SLC35F4: variants seen among roughly 807,000 people sequenced by gnomAD.
SLC35F4 encodes the protein solute carrier family 35 member F4, also known as chromosome 14 open reading frame 36.
SLC35F4 carries 24 observed loss-of-function variants against 44.2 expected under a neutral mutation model. The observed-to-expected ratio is 0.54, with a 90% CI of 0.39 to 0.76. The LOEUF is 0.76. Among genes scored for constraint, SLC35F4 ranks in the 30% least tolerant of loss-of-function variants. The pLI is 0.00. For missense variants in SLC35F4, 562 were observed against 586.1 expected, an observed-to-expected ratio of 0.96 and a Z score of 0.42; for synonymous variants, 238 against 223.6, an observed-to-expected ratio of 1.06 and a Z score of -0.57.
chr14:57,721,060 T>G (rs1205593392), intron 1 of SLC35F4, among the ~76,000 whole-genome samples: 6 of 145,006 alleles, frequency 4.1e-5, no homozygotes, highest in Non-Finnish European at 9.0e-5. Flanking sequence ...TCCTATTAGT[T>G]CTGACCATCT....
chr14:57,594,220 C>G, intron 1 of SLC35F4, 96 bp from the exon 2 acceptor site: 9 of 1,192,686 alleles, frequency 7.5e-6, no homozygotes, highest in Admixed American at 2.5e-5. Context: ...AACAGGGTCT[C>G]ACTCTGTCAC....
intron 1 of SLC35F4, among the ~76,000 whole-genome samples, chr14:57,713,733 G>T (rs536196365): frequency 6.6e-6 from 1 of 152,182 alleles, no homozygotes; most frequent in Non-Finnish European, 1.5e-5. Flanking sequence ...CCTAGGGTAC[G>T]TGCTCAATGA....
chr14:57,606,101 CCT>C (rs765543052), intron 1 of SLC35F4, among the ~76,000 whole-genome samples: 2 of 152,072 alleles, frequency 1.3e-5, no homozygotes, highest in African/African-American at 2.4e-5. Context: ...ACATGTATCC[CCT>C]GATTCTAAAA....
chr14:57,745,500 C>A (rs1005253271), intron 1 of SLC35F4, among the ~76,000 whole-genome samples: 10 of 152,134 alleles, frequency 6.6e-5, no homozygotes, highest in Non-Finnish European at 1.2e-4. Context: ...TCATCACTGG[C>A]CATCAGAGAA....
At chr14:57,909,189 C>T (rs1263327886) in intron 1 of SLC35F4, among the ~76,000 whole-genome samples, 1 of 152,096 alleles carries the variant, frequency 6.6e-6, no homozygotes, top group African/African-American at 2.4e-5. Context: ...TTCCTGCACA[C>T]CATCTGTTTT....
At chr14:57,967,312 C>T (rs1006292533) in intron 1 of SLC35F4, among the ~76,000 whole-genome samples, 29 of 152,274 alleles carry the variant, frequency 1.9e-4, no homozygotes, top group African/African-American at 7.0e-4. Flanking sequence ...GCCCCTTTGA[C>T]CATCTTCCCA....
intron 1 of SLC35F4, among the ~76,000 whole-genome samples, chr14:57,647,656 G>T (rs1045732511): frequency 1.3e-5 from 2 of 152,172 alleles, no homozygotes; most frequent in East Asian, 1.9e-4. Flanking sequence ...AATATTCTTC[G>T]CATGACCAAA....
At chr14:57,807,888 G>C (rs946120165) in intron 1 of SLC35F4, among the ~76,000 whole-genome samples, 10 of 151,942 alleles carry the variant, frequency 6.6e-5, no homozygotes, top group Non-Finnish European at 1.5e-4. Context: ...TGGCTGGGGG[G>C]CCTCACAATC....
intron 1 of SLC35F4, among the ~76,000 whole-genome samples, chr14:57,734,006 C>T (rs2076407818): frequency 1.3e-5 from 2 of 152,132 alleles, no homozygotes; most frequent in South Asian, 4.1e-4. Flanking sequence ...TCAGCCATGT[C>T]ATCCCTCAAT....
chr14:57,612,997 G>A lies in SLC35F4; in HGVS notation c.104-18873C>T, dbSNP rs146949350. ...TGAGACGTGAGCATGGGATAGAGAC[G>A]TACTGATGGTAACTTTTAGATCTTT... On this transcript the variant is annotated intron_variant, in intron 1 of 7. Coordinates refer to ENST00000556826, the MANE Select transcript of SLC35F4 (RefSeq NM_001306087.2). 1.6e-3 allele frequency among the ~76,000 whole-genome samples: 242 copies of A among 152,304 alleles called. 1 individual carries two copies. Among genetic ancestry groups the A allele is most frequent in the African/African-American group, 5.3e-3 (222 of 41,554 alleles).
intron 1 of SLC35F4, among the ~76,000 whole-genome samples, chr14:57,840,532 T>G (rs560112907): frequency 2.4e-4 from 36 of 152,324 alleles, no homozygotes; most frequent in Middle Eastern, 3.4e-3. Flanking sequence ...GTGGAAACAC[T>G]TAAATGAGAC....
At chr14:57,810,308 A>G (rs893193939) in intron 1 of SLC35F4, among the ~76,000 whole-genome samples, 1 of 152,224 alleles carries the variant, frequency 6.6e-6, no homozygotes, top group African/African-American at 2.4e-5. Context: ...GTAAAAGGCC[A>G]AGAAAATTCT....
chr14:57,910,143 G>A (rs978377896), intron 1 of SLC35F4, among the ~76,000 whole-genome samples: 39 of 151,960 alleles, frequency 2.6e-4, no homozygotes, highest in African/African-American at 7.5e-4. Flanking sequence ...TTTTTTATCA[G>A]ATTCTTCATT....
chr14:57,793,988 C>T (rs2077992346), intron 1 of SLC35F4, among the ~76,000 whole-genome samples: 3 of 151,996 alleles, frequency 2.0e-5, no homozygotes, highest in African/African-American at 4.8e-5. Flanking sequence ...ATAAATGGTG[C>T]TGGGAAAATT....
intron 1 of SLC35F4, among the ~76,000 whole-genome samples, chr14:57,706,156 C>T (rs144007633): frequency 9.2e-5 from 14 of 152,256 alleles, no homozygotes; most frequent in African/African-American, 2.6e-4. Context: ...TGTGAATGAT[C>T]GGTTACTAGT....
intron 1 of SLC35F4, among the ~76,000 whole-genome samples, chr14:57,611,426 A>C (rs2071491479): frequency 6.6e-6 from 1 of 152,130 alleles, no homozygotes; most frequent in Admixed American, 6.5e-5. Flanking sequence ...CTGTGAGTAT[A>C]GAGAAGATGC....
intron 1 of SLC35F4, among the ~76,000 whole-genome samples, chr14:57,876,066 T>C (rs181801185): frequency 6.6e-6 from 1 of 152,198 alleles, no homozygotes; most frequent in East Asian, 1.9e-4. Context: ...TTGGTCTGAA[T>C]AGAAACTGCA....
At chr14:57,623,101 T>C (rs953438261) in intron 1 of SLC35F4, among the ~76,000 whole-genome samples, 2 of 151,746 alleles carry the variant, frequency 1.3e-5, no homozygotes, top group Non-Finnish European at 2.9e-5. Flanking sequence ...GGCTCTAAAA[T>C]AAGAGATGGA....
intron 1 of SLC35F4, among the ~76,000 whole-genome samples, chr14:57,852,492 C>A (rs1003535617): frequency 6.6e-6 from 1 of 152,174 alleles, no homozygotes; most frequent in African/African-American, 2.4e-5. Context: ...ATGGCATGAT[C>A]CAGTGAATGC....
Sources: allele counts gnomAD v4.1 joint callset (sites outside exome capture counted in the v4.1 genomes callset), GRCh38; gene constraint gnomAD v4.1.1; transcripts MANE v1.5; gene names NCBI Gene and HGNC (gene_info 2026-07-23, HGNC 2026-07-21).